Variants in ZBTB41 observed in about 807,000 individuals in gnomAD.
ZBTB41 encodes the protein zinc finger and BTB domain-containing protein 41.
ZBTB41 carries 42 observed loss-of-function variants against 87.6 expected under a neutral mutation model. The observed-to-expected ratio is 0.48, with a 90% CI of 0.37 to 0.62. The LOEUF is 0.62. ZBTB41 is among the 20% of genes least tolerant of loss of function. The pLI, the probability that ZBTB41 is intolerant of heterozygous loss-of-function variation, is 0.00. For synonymous variants in ZBTB41, 364 were observed against 364.0 expected (o/e 1.00, Z 0.00); for missense variants, 799 against 1,078.9 (o/e 0.74, Z 3.63).
intron 10 of ZBTB41, 94 bp downstream of exon 10, chr1:197,172,066 C>T (rs1659493395): frequency 2.2e-6 from 1 of 457,162 alleles, no homozygotes; most frequent in African/African-American, 2.1e-5. Flanking sequence ...TAACCAAGAA[C>T]AACAAAGTTT....
Position 197,181,110 on chromosome 1 carries a change from A to G in ZBTB41, c.1554T>C (p.Phe518=). Residue 518 remains phenylalanine, a synonymous_variant, in exon 6 of 11, where the codon TTT becomes TTC. Coordinates refer to ENST00000367405, the MANE Select transcript of ZBTB41 (RefSeq NM_194314.3). ...KHQEKFHLGP[F]PCDICGRQFN... ...ACTGGCGACCACATATATCACATGG[A>G]AAAGGACCTAAAAAGGAAAAAAAAA... The G allele has an allele frequency of 6.4e-7, 1 of 1,572,008 alleles. No individual in the cohort carries two copies. Among genetic ancestry groups the G allele is most frequent in the Non-Finnish European group, 8.5e-7 (1 of 1,169,840 alleles).
Position 197,175,019 on chromosome 1 carries a change from A to T in ZBTB41, c.1976T>A (p.Val659Glu). ...TTGCTTTTTCACTTACTTTTGCCAC[A>T]CTTTCTCTCCAAGGTGTACGCTTTT... is the stretch of plus-strand genomic sequence containing the variant. ...HYKSVHLGEK[V>E]WQKYKATFHQ... Residue 659 changes from valine to glutamate, a missense_variant, in exon 9 of 11, where the codon GTG (valine) becomes GAG (glutamate). By Grantham distance (121) the Val-to-Glu change is moderately radical (BLOSUM62 -2). Around this residue, in one of 5 missense-constraint regions of ZBTB41, gnomAD observed 198 missense variants for 358.4 expected, o/e 0.55. Coordinates refer to ENST00000367405, the MANE Select transcript of ZBTB41 (RefSeq NM_194314.3). 6.2e-7 allele frequency: 1 copy of T among 1,607,554 alleles called. No individual in the cohort carries two copies. Among genetic ancestry groups the T allele is most frequent in the Non-Finnish European group, 8.5e-7 (1 of 1,176,736 alleles).
chr1:197,183,040 G>C (rs1296534127), intron 5 of ZBTB41, among the ~76,000 whole-genome samples: 2 of 152,056 alleles, frequency 1.3e-5, no homozygotes, highest in African/African-American at 4.8e-5. Flanking sequence ...ATATTGCTTT[G>C]AGTATTTTAT....
In ZBTB41 at chr1:197,158,905, T is replaced by A. The variant is rs996880255; in HGVS notation, c.*454A>T. 1 of 155,160 alleles carries A rather than the reference T, an allele frequency of 6.4e-6. No individual in the cohort carries two copies. Among genetic ancestry groups the A allele is most frequent in the Non-Finnish European group, 1.4e-5 (1 of 69,846 alleles). The allele number at this position is 155,160 out of a possible 1,614,324, so 9.6% of individuals were successfully genotyped here. On this transcript the variant is annotated 3_prime_UTR_variant, in exon 11 of 11. Coordinates refer to ENST00000367405, the MANE Select transcript of ZBTB41 (RefSeq NM_194314.3). ...TTTAAAAATTTGTATAACGTAATAT[T>A]GAATCTTAGGATAAGAAACAGTTGC... is the stretch of plus-strand genomic sequence containing the variant.
Position 197,199,351 on chromosome 1 carries a change from T to G in ZBTB41, c.1120+3A>C. Reference sequence around the variant, plus strand: ...AGATAGAAAACCAGTTTTCTTTTCTTACCTATTCGGTCAAATGTTTTATCA... The same window carrying G: ...AGATAGAAAACCAGTTTTCTTTTCTGACCTATTCGGTCAAATGTTTTATCA... On this transcript the variant is annotated splice_donor_region_variant and intron_variant, in intron 2 of 10. Coordinates refer to ENST00000367405, the MANE Select transcript of ZBTB41 (RefSeq NM_194314.3). 6.7e-7 allele frequency: 1 copy of G among 1,496,632 alleles called. No individual in the cohort carries two copies. Among genetic ancestry groups the G allele is most frequent in the Non-Finnish European group, 8.9e-7 (1 of 1,129,296 alleles). 92.7% of individuals were successfully genotyped at this position (1,496,632 alleles called of 1,614,324 possible). A position where few individuals can be genotyped will look rare whatever the true frequency, so the allele number is the denominator to read the frequency against.
chr1:197,194,931 AAT>A (rs1660124131), intron 2 of ZBTB41, among the ~76,000 whole-genome samples: 1 of 152,218 alleles, frequency 6.6e-6, no homozygotes, highest in Middle Eastern at 3.4e-3. Context: ...CTAGTGGGAA[AAT>A]ATATGTTAAT....
intron 9 of ZBTB41, among the ~76,000 whole-genome samples, chr1:197,174,118 A>G (rs1384675461): frequency 6.6e-6 from 1 of 152,124 alleles, no homozygotes; most frequent in Non-Finnish European, 1.5e-5. Flanking sequence ...AGGGCCTTGC[A>G]TGGCTAAGAC....
chr1:197,168,113 T>C (rs1227344203), intron 10 of ZBTB41, among the ~76,000 whole-genome samples: 2 of 152,014 alleles, frequency 1.3e-5, no homozygotes, highest in African/African-American at 4.8e-5. Context: ...TATTCCTGTA[T>C]ACCAGAAACA....
At chr1:197,175,403 G>A (rs1397718543) in intron 8 of ZBTB41, among the ~76,000 whole-genome samples, 2 of 64,272 alleles carry the variant, frequency 3.1e-5, no homozygotes, top group African/African-American at 8.5e-5. Context: ...CAAGATAAAC[G>A]AAACTACTTC....
rs1234318813 is a variant in ZBTB41 at position 197,154,089 on chromosome 1, G to GT, written c.*5269dup. On this transcript the variant is annotated 3_prime_UTR_variant, in exon 11 of 11. Transcript: ENST00000367405. ...AGCCACACTCATCAATTGTAATACA[G>GT]TTTTATCAATAGGGATAAGAAGAGT... The GT allele has an allele frequency of 1.3e-5, 2 of 152,486 alleles. No individual in the cohort carries two copies. The highest frequency in any genetic ancestry group is 2.9e-5 in the Non-Finnish European group (2 of 67,966). The allele number at this position is 152,486 out of a possible 1,614,324, so 9.4% of individuals were successfully genotyped here.
At chr1:197,190,004 T>C (rs1659987560) in intron 4 of ZBTB41, among the ~76,000 whole-genome samples, 1 of 152,160 alleles carries the variant, frequency 6.6e-6, no homozygotes, top group African/African-American at 2.4e-5. Context: ...CTGCAACCTC[T>C]GCCTCCCGAG....
intron 9 of ZBTB41, among the ~76,000 whole-genome samples, chr1:197,174,785 T>C (rs962216795): frequency 2.6e-5 from 4 of 152,048 alleles, no homozygotes; most frequent in African/African-American, 9.7e-5. Context: ...TTTTTATTAA[T>C]TATTGTTAAC....
rs574489659 is a variant in ZBTB41 at position 197,159,422 on chromosome 1, T to C, written c.2667A>G (p.Thr889=). 3.0e-5 allele frequency: 48 copies of C among 1,613,800 alleles called. No homozygotes were observed. Among genetic ancestry groups the C allele is most frequent in the Non-Finnish European group, 3.9e-5 (46 of 1,179,802 alleles). Residue 889 remains threonine, a synonymous_variant, in exon 11 of 11, where the codon ACA becomes ACG. Coordinates refer to ENST00000367405, the MANE Select transcript of ZBTB41 (RefSeq NM_194314.3). ...CAGTAGTGCTATCAAGGCCCAGTAATGTTCCAAGATAAGATTGTTCTCTAG... is the reference window on the plus strand; with the variant it reads ...CAGTAGTGCTATCAAGGCCCAGTAACGTTCCAAGATAAGATTGTTCTCTAG... ...LDPREQSYLG[T]LLGLDSTTGV... is the part of the protein sequence containing the mutation.
In ZBTB41 at chr1:197,155,422, T is replaced by G. The variant is rs1472149502; in HGVS notation, c.*3937A>C. On this transcript the variant is annotated 3_prime_UTR_variant, in exon 11 of 11. Transcript: ENST00000367405. Reference sequence around the variant, plus strand: ...GTACAATCTAGCCAGCAGAATCAACTCTAAGCAACTACAACACATCGAAAA... The same window carrying G: ...GTACAATCTAGCCAGCAGAATCAACGCTAAGCAACTACAACACATCGAAAA... The G allele has an allele frequency of 9.2e-5, 14 of 151,992 alleles. No homozygotes were observed. The highest frequency in any genetic ancestry group is 9.2e-4 in the Admixed American group (14 of 15,210). 9.4% of individuals were successfully genotyped at this position (151,992 alleles called of 1,614,324 possible).
intron 10 of ZBTB41, among the ~76,000 whole-genome samples, chr1:197,170,318 G>A (rs898307928): frequency 2.6e-5 from 4 of 151,746 alleles, no homozygotes; most frequent in African/African-American, 9.7e-5. Context: ...TGAGGGTAAG[G>A]ATGGTTCAAA....
intron 10 of ZBTB41, among the ~76,000 whole-genome samples, chr1:197,162,812 G>A (rs1281995190): frequency 6.6e-6 from 1 of 152,278 alleles, no homozygotes; most frequent in Non-Finnish European, 1.5e-5. Context: ...TAGACGCCAA[G>A]CTGCAACCCA....
At chr1:197,160,670 A>G (rs538510791) in intron 10 of ZBTB41, among the ~76,000 whole-genome samples, 1 of 152,242 alleles carries the variant, frequency 6.6e-6, no homozygotes, top group East Asian at 1.9e-4. Context: ...AAAACATTAT[A>G]AATTCCTAGG....
chr1:197,173,497 T>TG (rs1449786958), intron 9 of ZBTB41, among the ~76,000 whole-genome samples: 1 of 152,118 alleles, frequency 6.6e-6, no homozygotes, highest in Non-Finnish European at 1.5e-5. Flanking sequence ...CTTGAACTCC[T>TG]GGGCTCAAGC....
chr1:197,197,007 A>ATGACAGAGAATATATCATTTC (rs2125142572), intron 2 of ZBTB41, among the ~76,000 whole-genome samples: 1 of 152,278 alleles, frequency 6.6e-6, no homozygotes, highest in East Asian at 1.9e-4. Flanking sequence ...AAGGTTCTTG[A>ATGACAGAGAATATATCATTTC]TGACAGAGAA....
Sources: gnomAD v4.1 joint callset for allele counts (sites outside exome capture counted in the v4.1 genomes callset) on GRCh38, gnomAD v4.1.1 for gene constraint, gnomAD v4.1.1 regional missense constraint, MANE v1.5 for transcripts, NCBI Gene and HGNC (gene_info 2026-07-23, HGNC 2026-07-21) for gene names.